The following RRBP1 variants were observed in gnomAD, a reference collection of about 807,000 sequenced individuals.
The protein encoded by RRBP1 is ribosome binding protein 1.
A neutral mutation model predicts 165.2 loss-of-function variants in RRBP1; 94 were observed. The observed-to-expected ratio is 0.57, with a 90% confidence interval of 0.48 to 0.68. The LOEUF (loss-of-function observed/expected upper bound fraction) is 0.68, where lower values mean the gene tolerates loss of function less well. RRBP1 is among the 30% of genes least tolerant of loss of function. The pLI is 0.00. For synonymous variants in RRBP1, 680 were observed against 714.5 expected (o/e 0.95, Z 0.77); for missense variants, 1,676 against 1,763.0 (o/e 0.95, Z 0.88).
At chr20:17,636,413 G>A (rs181282753) in intron 6 of RRBP1, among the ~76,000 whole-genome samples, 164 bp downstream of exon 6, 307 of 152,312 alleles carry the variant, frequency 2.0e-3, no homozygotes, top group Middle Eastern at 3.4e-3. Flanking sequence ...CCAGCCAAAT[G>A]CAACAGCCCC....
intron 17 of RRBP1, 132 bp from the exon 18 acceptor site, chr20:17,620,502 C>T (rs760261840): frequency 8.8e-6 from 8 of 909,036 alleles, no homozygotes; most frequent in Middle Eastern, 2.1e-4. Flanking sequence ...CCAGCTGGGA[C>T]GGTCACCCTG....
chr20:17,619,041 G>A (rs77530570), intron 19 of RRBP1: 4,664 of 240,172 alleles, frequency 0.019, 231 homozygotes, highest in African/African-American at 0.099. Flanking sequence ...TCCTGCATCA[G>A]CCTCCTAAGC....
intron 2 of RRBP1, among the ~76,000 whole-genome samples, chr20:17,668,619 TC>T (rs1425918065): frequency 2.6e-5 from 4 of 152,156 alleles, no homozygotes; most frequent in Non-Finnish European, 1.5e-5. Context: ...ACCTGTCATC[TC>T]CCCTTGCGAC....
At chr20:17,641,112 A>G (rs1231154637) in intron 5 of RRBP1, among the ~76,000 whole-genome samples, 3 of 152,166 alleles carry the variant, frequency 2.0e-5, no homozygotes, top group Non-Finnish European at 4.4e-5. Context: ...ACCAGGGCCC[A>G]CCCTCAGCAG....
intron 1 of RRBP1, among the ~76,000 whole-genome samples, 183 bp downstream of exon 1, chr20:17,681,845 C>A (rs1438191217): frequency 6.8e-6 from 1 of 147,868 alleles, no homozygotes; most frequent in Non-Finnish European, 1.5e-5. Flanking sequence ...GCCCGGCACC[C>A]CCGCCCCGAG....
At chr20:17,678,590 C>G (rs958031167) in intron 2 of RRBP1, among the ~76,000 whole-genome samples, 1 of 152,174 alleles carries the variant, frequency 6.6e-6, no homozygotes, top group African/African-American at 2.4e-5. Context: ...GGAACAGGGA[C>G]ATGAATGTTT....
chr20:17,636,550 C>T (rs2036251755), intron 6 of RRBP1, 27 bp downstream of exon 6: 1 of 1,605,360 alleles, frequency 6.2e-7, no homozygotes, highest in Admixed American at 1.7e-5. Flanking sequence ...TGTCCCTTCC[C>T]ATGCCCCCGC....
rs1054410324 is a variant in RRBP1 at position 17,619,622 on chromosome 20, G to T, written c.3675+11C>A. 1.3e-5 allele frequency: 21 copies of T among 1,601,946 alleles called. No homozygotes were observed. The highest frequency in any genetic ancestry group is 1.8e-5 in the Non-Finnish European group (21 of 1,172,516). ...TGGGCAGGGGCTGCACTCCTTGGGG[G>T]GCAGACTCACCCCTGCCACCTCCTT... On this transcript the variant is annotated intron_variant, in intron 19 of 24. Coordinates refer to ENST00000377813, the MANE Select transcript of RRBP1 (RefSeq NM_001365613.2).
At chr20:17,621,127 C>A (rs1219390967) in intron 16 of RRBP1, among the ~76,000 whole-genome samples, 2 of 152,204 alleles carry the variant, frequency 1.3e-5, no homozygotes, top group African/African-American at 4.8e-5. Flanking sequence ...ACAGGATGGG[C>A]TGGCCAGAGA....
Position 17,659,631 on chromosome 20 carries a change from CG to C in RRBP1, c.876del (p.Glu293ArgfsTer10). The C allele has an allele frequency of 6.4e-7, 1 of 1,550,562 alleles. No homozygotes were observed. The highest frequency in any genetic ancestry group is 8.7e-7 in the Non-Finnish European group (1 of 1,146,966). ...VEGAPTQGRK[A>X]EGAQNQAKKV... ...TTTTTGGCCTGGTTCTGAGCCCCCTCGGCCTTTCTGCCCTGGGTTGGGGCCC... is the reference window on the plus strand; with the variant it reads ...TTTTTGGCCTGGTTCTGAGCCCCCTCGCCTTTCTGCCCTGGGTTGGGGCCC... On this transcript the variant is annotated frameshift_variant, in exon 3 of 25. Transcript: ENST00000377813. LOFTEE classifies it high-confidence loss of function.
intron 2 of RRBP1, among the ~76,000 whole-genome samples, chr20:17,674,812 C>A (rs1046975160): frequency 6.6e-6 from 1 of 152,186 alleles, no homozygotes; most frequent in Admixed American, 6.5e-5. Flanking sequence ...CCACTAAACA[C>A]AAAATCTACC....
chr20:17,634,997 G>A (rs6111590), intron 7 of RRBP1, among the ~76,000 whole-genome samples: 3,137 of 152,266 alleles, frequency 0.021, 45 homozygotes, highest in Middle Eastern at 0.027. Context: ...AGAGGCTTTC[G>A]GGATAACACA....
chr20:17,666,870 G>GCTTTGTCTTTAC (rs11087221), intron 2 of RRBP1, among the ~76,000 whole-genome samples: 139,746 of 152,162 alleles, frequency 0.92, 64,899 homozygotes, highest in East Asian at 0.99. Context: ...TTTACCAATT[G>GCTTTGTCTTTAC]CAGTTGACAT....
chr20:17,658,568 T>C lies in RRBP1; in HGVS notation c.1912+28A>G, dbSNP rs892250837. 8 of 1,546,084 alleles carry C rather than the reference T, an allele frequency of 5.2e-6. No individual in the cohort carries two copies. In the African/African-American group the frequency reaches 1.1e-4, roughly 21 times the overall value. On this transcript the variant is annotated intron_variant, in intron 3 of 24. Transcript: ENST00000377813. The stretch of plus-strand genomic sequence containing the variant: ...GTCATTTAAAGACAGCCTTTCCTTC[T>C]AAGTTCATAAAGAAATCAGTTACTT...
chr20:17,677,355 T>C (rs2037102755), intron 2 of RRBP1, among the ~76,000 whole-genome samples: 1 of 152,206 alleles, frequency 6.6e-6, no homozygotes. Flanking sequence ...AGTCTGTAAC[T>C]TCCAGTAGTC....
intron 2 of RRBP1, among the ~76,000 whole-genome samples, chr20:17,669,911 T>C (rs1316799245): frequency 1.3e-5 from 2 of 152,224 alleles, no homozygotes; most frequent in Non-Finnish European, 2.9e-5. Context: ...CCCAATTTCC[T>C]ATCGTCTGCT....
intron 13 of RRBP1, among the ~76,000 whole-genome samples, chr20:17,623,999 A>G (rs574710148): frequency 6.6e-6 from 1 of 152,188 alleles, no homozygotes; most frequent in East Asian, 1.9e-4. Flanking sequence ...CAGCAGGATT[A>G]CCCGACAAAA....
At chr20:17,648,634 G>A (rs980633582) in intron 3 of RRBP1, among the ~76,000 whole-genome samples, 5 of 152,186 alleles carry the variant, frequency 3.3e-5, no homozygotes, top group African/African-American at 7.2e-5. Flanking sequence ...AAACGTAATC[G>A]GCTACAAACT....
At chr20:17,680,680 C>T (rs2122528750) in intron 1 of RRBP1, among the ~76,000 whole-genome samples, 1 of 152,242 alleles carries the variant, frequency 6.6e-6, no homozygotes, top group Non-Finnish European at 1.5e-5. Flanking sequence ...GCTATGGGAC[C>T]TGCGAGTAGG....
Sources: gnomAD v4.1 joint callset for allele counts (sites outside exome capture counted in the v4.1 genomes callset) on GRCh38, gnomAD v4.1.1 for gene constraint, MANE v1.5 for transcripts, NCBI Gene and HGNC (gene_info 2026-07-23, HGNC 2026-07-21) for gene names.